GTF2IRD1: variants seen among roughly 807,000 people sequenced by gnomAD.
GTF2IRD1 encodes general transcription factor II-I repeat domain-containing protein 1.
Under a neutral mutation model 113.2 loss-of-function variants are expected in GTF2IRD1, and 26 were observed. The observed-to-expected ratio is 0.23, with a 90% CI of 0.17 to 0.32. The LOEUF is 0.32. GTF2IRD1 is among the 10% of genes least tolerant of loss of function. GTF2IRD1 has a pLI of 1.00. For synonymous variants in GTF2IRD1, 484 were observed against 529.1 expected (o/e 0.91, Z 1.17); for missense variants, 864 against 1,280.8 (o/e 0.67, Z 4.97).
intron 1 of GTF2IRD1, among the ~76,000 whole-genome samples, chr7:74,502,021 C>G (rs1796059888): frequency 1.3e-5 from 2 of 152,144 alleles, no homozygotes; most frequent in Non-Finnish European, 2.9e-5. Context: ...AATCATAGCT[C>G]ACTACAGCCT....
intron 1 of GTF2IRD1, among the ~76,000 whole-genome samples, chr7:74,499,584 GAATA>G (rs782379710): frequency 4.6e-5 from 7 of 151,802 alleles, no homozygotes; most frequent in Non-Finnish European, 7.4e-5. Flanking sequence ...ACACACTAAA[GAATA>G]AATGAATGCA....
chr7:74,507,346 C>T (rs1039965321), intron 1 of GTF2IRD1: 1 of 152,198 alleles, frequency 6.6e-6, no homozygotes, highest in South Asian at 2.1e-4. Flanking sequence ...TGTGGTGGCA[C>T]CTGTAATCCC....
Position 74,591,600 on chromosome 7 carries a change from G to A in GTF2IRD1, c.2591+583G>A, listed in dbSNP as rs587758126. Among the ~76,000 whole-genome samples the A allele has an allele frequency of 9.9e-5, 15 of 151,922 alleles. No individual in the cohort carries two copies. In the South Asian group the frequency reaches 3.1e-3, roughly 32 times the overall value. On this transcript the variant is annotated intron_variant, in intron 24 of 26. Transcript: ENST00000424337. ...TCACCATGTTGGCCAGGCTGGTCTC[G>A]AACTCCTGACCTGAAGTGATCTGCC...
Position 74,601,093 on chromosome 7 carries a change from A to C in GTF2IRD1, c.2679A>C (p.Gly893=). 1 of 1,614,104 alleles carries C rather than the reference A, an allele frequency of 6.2e-7. No homozygotes were observed. Among genetic ancestry groups the C allele is most frequent in the Non-Finnish European group, 8.5e-7 (1 of 1,179,982 alleles). ...PKRKRKRVSE[G]NSVSSSSSSS... ...GCAAGAGAAAGCGGGTCTCGGAAGG[A>C]AATTCCGTCTCCTCTTCCTCCTCGT... is the stretch of plus-strand genomic sequence containing the variant. Residue 893 remains glycine (G), a synonymous_variant, in exon 26 of 27, where the codon GGA becomes GGC. Transcript: ENST00000424337.
intron 22 of GTF2IRD1, among the ~76,000 whole-genome samples, chr7:74,586,481 G>C (rs782013149): frequency 5.3e-5 from 8 of 152,342 alleles, no homozygotes; most frequent in Admixed American, 3.3e-4. Flanking sequence ...GGGCACGCAG[G>C]GGGGCTGGCG....
At chr7:74,584,966 T>A (rs1179051894) in intron 22 of GTF2IRD1, among the ~76,000 whole-genome samples, 3 of 152,042 alleles carry the variant, frequency 2.0e-5, no homozygotes, top group African/African-American at 7.2e-5. Context: ...CACGCCTGGC[T>A]AAATTTTGTA....
chr7:74,530,443 A>G (rs1797892314), intron 9 of GTF2IRD1, among the ~76,000 whole-genome samples: 2 of 150,394 alleles, frequency 1.3e-5, no homozygotes, highest in East Asian at 2.0e-4. Flanking sequence ...CCTTTTGAGG[A>G]TTGAATGGAA....
chr7:74,519,219 G>T (rs1797121912), intron 5 of GTF2IRD1, among the ~76,000 whole-genome samples, 190 bp from the exon 6 acceptor site: 1 of 152,176 alleles, frequency 6.6e-6, no homozygotes, highest in Non-Finnish European at 1.5e-5. Flanking sequence ...TAGCTCTGTG[G>T]CCCTGGGCAC....
At chr7:74,557,388 T>C (rs1373726916) in intron 19 of GTF2IRD1, among the ~76,000 whole-genome samples, 6 of 152,338 alleles carry the variant, frequency 3.9e-5, no homozygotes, top group African/African-American at 1.4e-4. Context: ...ATTTATTGGT[T>C]TGGTGGTTTT....
intron 16 of GTF2IRD1, among the ~76,000 whole-genome samples, chr7:74,546,286 ATATCAGC>A (rs1554353249): frequency 6.8e-6 from 1 of 148,112 alleles, no homozygotes; most frequent in Non-Finnish European, 1.5e-5. Flanking sequence ...TGGTGGCGCA[ATATCAGC>A]TCACTGCAAC....
intron 16 of GTF2IRD1, among the ~76,000 whole-genome samples, chr7:74,546,222 T>C (rs1454277369): frequency 3.0e-4 from 44 of 147,566 alleles, no homozygotes; most frequent in Admixed American, 2.7e-4. Flanking sequence ...GTTTTTCTTT[T>C]TTTTTTTTTT....
intron 26 of GTF2IRD1, chr7:74,601,497 G>A: frequency 4.2e-6 from 6 of 1,433,898 alleles, no homozygotes; most frequent in Non-Finnish European, 5.5e-6. Flanking sequence ...TGGCTGGCGG[G>A]TGCAGTGGCT....
chr7:74,471,676 AAAAAAAAAAAAAACAAAAAAAAAAAC>A (rs1298537532), intron 1 of GTF2IRD1, among the ~76,000 whole-genome samples: 1 of 79,230 alleles, frequency 1.3e-5, no homozygotes, highest in African/African-American at 5.1e-5. Flanking sequence ...AATATTTAAA[AAAAAAAAAAAAAACAAAAAAAAAAAC>A]AAAAAAAACG....
At chr7:74,546,964 C>T in intron 16 of GTF2IRD1, 139 bp from the exon 17 acceptor site, 1 of 755,176 alleles carries the variant, frequency 1.3e-6, no homozygotes, top group Non-Finnish European at 2.2e-6. Context: ...GGGGGCCACT[C>T]TTTCCACATC....
At chr7:74,494,850 C>T (rs1554337502) in intron 1 of GTF2IRD1, among the ~76,000 whole-genome samples, 2 of 152,202 alleles carry the variant, frequency 1.3e-5, no homozygotes, top group African/African-American at 4.8e-5. Context: ...TTCCTGGGCT[C>T]AAGTGGTCCT....
chr7:74,579,454 C>G (rs1554365516), intron 22 of GTF2IRD1, among the ~76,000 whole-genome samples: 4 of 152,042 alleles, frequency 2.6e-5, no homozygotes, highest in Non-Finnish European at 4.4e-5. Context: ...CCCGTCTCTA[C>G]TAAAAATACA....
intron 20 of GTF2IRD1, among the ~76,000 whole-genome samples, chr7:74,558,343 G>GTT (rs1562868915): frequency 5.4e-5 from 4 of 74,010 alleles, no homozygotes; most frequent in Non-Finnish European, 1.1e-4. Flanking sequence ...TTTTTCTTTC[G>GTT]TTTCTTTTTT....
intron 25 of GTF2IRD1, among the ~76,000 whole-genome samples, chr7:74,598,868 C>T (rs1554373146): frequency 1.3e-5 from 2 of 152,174 alleles, no homozygotes; most frequent in Non-Finnish European, 2.9e-5. Flanking sequence ...AGCCTGGGCT[C>T]CTCCTGCCTC....
intron 1 of GTF2IRD1, chr7:74,506,197 C>T (rs1796288636): frequency 6.6e-6 from 1 of 152,214 alleles, no homozygotes; most frequent in African/African-American, 2.4e-5. Context: ...ACTGTCACAT[C>T]TCCTGTTCTG....
Sources: gnomAD v4.1 joint callset for allele counts (sites outside exome capture counted in the v4.1 genomes callset) on GRCh38, gnomAD v4.1.1 for gene constraint, MANE v1.5 for transcripts, NCBI Gene and HGNC (gene_info 2026-07-23, HGNC 2026-07-21) for gene names.